ANKFY1: variants seen among roughly 807,000 people sequenced by gnomAD.
ANKFY1 encodes ankyrin repeat and FYVE domain containing 1.
A neutral mutation model predicts 128.3 loss-of-function variants in ANKFY1; 47 were observed. The observed-to-expected ratio is 0.37, with a 90% CI of 0.29 to 0.47. The LOEUF (loss-of-function observed/expected upper bound fraction) is 0.47. Among genes scored for constraint, ANKFY1 ranks in the 20% least tolerant of loss-of-function variants. The pLI is 1.00. For missense variants in ANKFY1, 1,222 were observed against 1,510.6 expected, an observed-to-expected ratio of 0.81 and a Z score of 3.17; for synonymous variants, 553 against 601.6, an observed-to-expected ratio of 0.92 and a Z score of 1.18.
chr17:4,233,972 G>A (rs2060558840), intron 3 of ANKFY1, among the ~76,000 whole-genome samples: 1 of 152,212 alleles, frequency 6.6e-6, no homozygotes, highest in Non-Finnish European at 1.5e-5. Flanking sequence ...CTGCAGATAC[G>A]ATGATGGTCC....
chr17:4,171,868 G>A (rs144322867), intron 22 of ANKFY1, among the ~76,000 whole-genome samples: 39 of 152,350 alleles, frequency 2.6e-4, no homozygotes, highest in African/African-American at 8.7e-4. Context: ...GTGAGTGAAT[G>A]GGAATGCAGC....
chr17:4,235,349 A>AAG (rs937602109), intron 3 of ANKFY1, among the ~76,000 whole-genome samples: 1 of 151,334 alleles, frequency 6.6e-6, no homozygotes, highest in Non-Finnish European at 1.5e-5. Context: ...TCAAAAAAAA[A>AAG]AAAAAAGAAA....
intron 7 of ANKFY1, among the ~76,000 whole-genome samples, chr17:4,203,432 A>T (rs905485906): frequency 2.6e-5 from 4 of 152,200 alleles, no homozygotes; most frequent in African/African-American, 7.2e-5. Flanking sequence ...AGTAACCTTC[A>T]TTATTCAATT....
intron 2 of ANKFY1, among the ~76,000 whole-genome samples, chr17:4,240,685 C>T (rs1017780925): frequency 1.3e-5 from 2 of 152,232 alleles, no homozygotes; most frequent in African/African-American, 4.8e-5. Context: ...CGCCACTGCG[C>T]CCAGGCACAT....
intron 3 of ANKFY1, among the ~76,000 whole-genome samples, chr17:4,220,274 A>G (rs777383310): frequency 7.9e-5 from 12 of 152,260 alleles, no homozygotes; most frequent in Non-Finnish European, 1.6e-4. Flanking sequence ...ATTTCTAAGC[A>G]GGCTTTGTAA....
intron 4 of ANKFY1, among the ~76,000 whole-genome samples, chr17:4,214,729 T>C (rs1044464045): frequency 1.3e-5 from 2 of 152,122 alleles, no homozygotes; most frequent in Non-Finnish European, 1.5e-5. Context: ...GGTTTCACCA[T>C]GTTGGTGACT....
intron 8 of ANKFY1, among the ~76,000 whole-genome samples, chr17:4,195,837 T>A (rs1229091642): frequency 6.6e-6 from 1 of 152,008 alleles, no homozygotes; most frequent in East Asian, 1.9e-4. Context: ...CTCTCCCCCA[T>A]AATCTTCTAT....
intron 12 of ANKFY1, 33 bp downstream of exon 12, chr17:4,184,780 CCAAGT>C: frequency 5.0e-6 from 8 of 1,592,442 alleles, no homozygotes; most frequent in Non-Finnish European, 6.9e-6. Context: ...ACTGCTGTCC[CCAAGT>C]CAAAAGGATG....
intron 3 of ANKFY1, chr17:4,223,719 C>A (rs1411231548): frequency 3.1e-6 from 5 of 1,595,122 alleles, no homozygotes; most frequent in Non-Finnish European, 4.3e-6. Context: ...CCTGATGAAC[C>A]ATTTGCTGTG....
chr17:4,258,851 T>C (rs1013588891), intron 1 of ANKFY1, among the ~76,000 whole-genome samples: 10 of 152,276 alleles, frequency 6.6e-5, no homozygotes, highest in Admixed American at 3.3e-4. Flanking sequence ...GCTTGGGTTG[T>C]TGTCAAAAGT....
chr17:4,176,309 T>C (rs2059410717), intron 19 of ANKFY1, among the ~76,000 whole-genome samples: 1 of 152,222 alleles, frequency 6.6e-6, no homozygotes, highest in Admixed American at 6.5e-5. Context: ...TCAGGTGCCT[T>C]AGCGGCCAGT....
intron 7 of ANKFY1, among the ~76,000 whole-genome samples, chr17:4,203,390 T>G (rs142918706): frequency 2.0e-5 from 3 of 152,232 alleles, no homozygotes; most frequent in African/African-American, 7.2e-5. Flanking sequence ...AATATTTCTT[T>G]CAATGCAGCT....
intron 2 of ANKFY1, among the ~76,000 whole-genome samples, chr17:4,240,231 A>AT (rs907017588): frequency 2.7e-5 from 4 of 150,430 alleles, no homozygotes; most frequent in Admixed American, 6.6e-5. Context: ...CACCTAGCTA[A>AT]TTTTTTTTAT....
intron 1 of ANKFY1, among the ~76,000 whole-genome samples, chr17:4,248,525 T>C (rs8066746): frequency 0.063 from 9,604 of 152,218 alleles, 533 homozygotes; most frequent in African/African-American, 0.15. Context: ...TTAGGATAGG[T>C]TAAATCACTC....
chr17:4,206,483 G>A lies in ANKFY1; in HGVS notation c.736C>T (p.Pro246Ser), dbSNP rs1016698555. Residue 246 changes from proline to serine, a missense_variant, in exon 7 of 25, where the codon CCT becomes TCT. Physicochemically the swap from Pro to Ser is moderately conservative, Grantham distance 74. Coordinates refer to ENST00000341657, the MANE Select transcript of ANKFY1 (RefSeq NM_001330063.2). ...TGATCCGCTTCATTCAGCTTCCCAG[G>A]GAGCTACACAAACAAGTTTGTAAAT... is the stretch of plus-strand genomic sequence containing the variant. Reference protein sequence around the residue: ...LYLIEMDSQLPGKLNEADHNG... With the variant: ...LYLIEMDSQLSGKLNEADHNG... 23 of 1,608,812 alleles carry A rather than the reference G, an allele frequency of 1.4e-5. No individual in the cohort carries two copies. Among genetic ancestry groups the A allele is most frequent in the Non-Finnish European group, 1.9e-5 (22 of 1,175,758 alleles).
chr17:4,164,254 G>T lies in ANKFY1; in HGVS notation c.*3525C>A, dbSNP rs186934018. On this transcript the variant is annotated 3_prime_UTR_variant, in exon 25 of 25. Coordinates refer to ENST00000341657, the MANE Select transcript of ANKFY1 (RefSeq NM_001330063.2). ...CTGCAGAAAACCAATGTTGTCAGTT[G>T]TAACAGGTTAATATATTATTTATGC... 4 of 152,692 alleles carry T rather than the reference G, an allele frequency of 2.6e-5. No homozygotes were observed. 9.5% of individuals were successfully genotyped at this position (152,692 alleles called of 1,614,324 possible).
At chr17:4,191,193 T>C (rs888971180) in intron 10 of ANKFY1, 1 of 152,296 alleles carries the variant, frequency 6.6e-6, no homozygotes, top group African/African-American at 2.4e-5. Flanking sequence ...ATACCATGTT[T>C]TTCCTTATCC....
chr17:4,223,377 G>A, intron 3 of ANKFY1: 1 of 1,590,380 alleles, frequency 6.3e-7, no homozygotes, highest in Non-Finnish European at 8.6e-7. Flanking sequence ...ATTGCCTGTG[G>A]AATGAGCTAC....
At position 4,234,081 on chromosome 17, in the gene ANKFY1, AACATGCTGT is replaced by A. The variant is rs139106569; in HGVS notation, c.322+1682_322+1690del. Among the ~76,000 whole-genome samples, 1,097 of 152,356 alleles carry A rather than the reference AACATGCTGT, an allele frequency of 7.2e-3. 14 individuals carry two copies. The highest frequency in any genetic ancestry group is 0.025 in the African/African-American group (1,046 of 41,576). ...TGCTGCCTATGGCATTCAGCACAGT[AACATGCTGT>A]ACATGCTGTACAGTTACACAGAACA... On this transcript the variant is annotated intron_variant, in intron 3 of 24. Coordinates refer to ENST00000341657, the MANE Select transcript of ANKFY1 (RefSeq NM_001330063.2).
Sources: gnomAD v4.1 joint callset for allele counts (sites outside exome capture counted in the v4.1 genomes callset) on GRCh38, gnomAD v4.1.1 for gene constraint, MANE v1.5 for transcripts, NCBI Gene and HGNC (gene_info 2026-07-23, HGNC 2026-07-21) for gene names.